The following CAMK2D variants were observed in gnomAD, a reference collection of about 807,000 sequenced individuals.
CAMK2D encodes calcium/calmodulin-dependent protein kinase type II subunit delta.
Under a neutral mutation model 84.0 loss-of-function variants are expected in CAMK2D, and 37 were observed. The ratio of observed to expected loss-of-function variants is 0.44; its 90% confidence interval spans 0.34 to 0.58. The LOEUF (loss-of-function observed/expected upper bound fraction) is 0.58, where lower values mean the gene tolerates loss of function less well. CAMK2D is among the 20% of genes least tolerant of loss of function. The probability of loss-of-function intolerance (pLI) is 0.02; values close to 1 mark genes in which losing one functional copy is unlikely to be tolerated. For synonymous variants in CAMK2D, 202 were observed against 212.5 expected, an observed-to-expected ratio of 0.95 and a Z score of 0.43; for missense variants, 448 against 652.5, an observed-to-expected ratio of 0.69 and a Z score of 3.41.
chr4:113,515,321 G>T, intron 9 of CAMK2D, 130 bp from the exon 10 acceptor site: 1 of 582,804 alleles, frequency 1.7e-6, no homozygotes, highest in Non-Finnish European at 2.9e-6. Context: ...TATAAGTTAA[G>T]TTGTATCTAA....
intron 2 of CAMK2D, among the ~76,000 whole-genome samples, chr4:113,718,598 G>C (rs77551138): frequency 6.6e-6 from 1 of 152,140 alleles, no homozygotes; most frequent in African/African-American, 2.4e-5. Flanking sequence ...TGGCTAGTTC[G>C]TTTGTTAGTC....
chr4:113,696,016 A>G (rs1210043564), intron 2 of CAMK2D, among the ~76,000 whole-genome samples: 1 of 152,084 alleles, frequency 6.6e-6, no homozygotes, highest in Non-Finnish European at 1.5e-5. Context: ...CTACTAACTC[A>G]GGACCTTTGC....
chr4:113,470,875 A>G (rs1294775999), intron 16 of CAMK2D, among the ~76,000 whole-genome samples: 4 of 152,216 alleles, frequency 2.6e-5, no homozygotes, highest in Non-Finnish European at 5.9e-5. Flanking sequence ...GAAATGTTTA[A>G]TAAGTATTTG....
intron 2 of CAMK2D, among the ~76,000 whole-genome samples, chr4:113,698,031 T>C (rs1333040894): frequency 6.6e-6 from 1 of 152,112 alleles, no homozygotes; most frequent in African/African-American, 2.4e-5. Flanking sequence ...CGAGAATGCA[T>C]TTAATACATC....
Position 113,465,536 on chromosome 4 carries a change from C to G in CAMK2D, c.1204G>C (p.Ala402Pro), listed in dbSNP as rs771719573. 2 of 1,607,356 alleles carry G rather than the reference C, an allele frequency of 1.2e-6. No homozygotes were observed. The highest frequency in any genetic ancestry group is 2.2e-5 in the South Asian group (2 of 90,712). ...TAAACGTCCGCTACTCACGTGTAGG[C>G]TTCAAAGTCCCCATTGTTGATAGCT... ...IEAINNGDFE[A>P]YTKICDPGLT... Residue 402 changes from alanine to proline, a missense_variant, in exon 17 of 21, where the codon GCC (alanine) becomes CCC (proline). By Grantham distance (27) the Ala-to-Pro change is conservative (BLOSUM62 -1). Coordinates refer to ENST00000511664, the MANE Select transcript of CAMK2D (RefSeq NM_001321571.2).
At chr4:113,463,908 G>T (rs565836806) in intron 17 of CAMK2D, among the ~76,000 whole-genome samples, 2 of 151,964 alleles carry the variant, frequency 1.3e-5, no homozygotes, top group African/African-American at 4.8e-5. Flanking sequence ...ACAAATTTTT[G>T]TTCATGTTTT....
chr4:113,601,688 T>TC (rs1188167220), intron 4 of CAMK2D, among the ~76,000 whole-genome samples: 2 of 120,990 alleles, frequency 1.7e-5, no homozygotes, highest in African/African-American at 5.7e-5. Flanking sequence ...TTATTCTTTT[T>TC]TTTTTTTTTT....
rs1441219839 is a variant in CAMK2D at position 113,734,406 on chromosome 4, T to G, written c.160+24914A>C. Among the ~76,000 whole-genome samples the G allele has an allele frequency of 2.0e-5, 3 of 152,288 alleles. No homozygotes were observed. In the East Asian group the frequency reaches 5.8e-4, roughly 29 times the overall value. On this transcript the variant is annotated intron_variant, in intron 2 of 20. Coordinates refer to ENST00000511664, the MANE Select transcript of CAMK2D (RefSeq NM_001321571.2). ...ACTTCTTGAATCACAATTTACAAAT[T>G]TGCAAAATAATATTCTACTACATTC...
intron 2 of CAMK2D, among the ~76,000 whole-genome samples, chr4:113,676,833 A>C (rs1005330774): frequency 3.7e-4 from 56 of 152,308 alleles, no homozygotes; most frequent in African/African-American, 1.3e-3. Flanking sequence ...ACAACTTACT[A>C]TTCTTTGTCC....
intron 2 of CAMK2D, among the ~76,000 whole-genome samples, chr4:113,735,395 A>G (rs571082756): frequency 6.7e-6 from 1 of 148,504 alleles, no homozygotes. Flanking sequence ...GGATCGCTTG[A>G]GCCCGCGAGG....
chr4:113,752,235 AT>A (rs1440079723), intron 2 of CAMK2D, among the ~76,000 whole-genome samples: 1 of 151,072 alleles, frequency 6.6e-6, no homozygotes, highest in African/African-American at 2.4e-5. Context: ...TATATATGAT[AT>A]AATTATATAT....
At chr4:113,692,854 T>C (rs1018867040) in intron 2 of CAMK2D, among the ~76,000 whole-genome samples, 17 of 152,160 alleles carry the variant, frequency 1.1e-4, no homozygotes, top group African/African-American at 4.1e-4. Context: ...ACATTTTACA[T>C]TATTCTTAGA....
At chr4:113,535,081 T>C (rs975053569) in intron 7 of CAMK2D, among the ~76,000 whole-genome samples, 1 of 152,198 alleles carries the variant, frequency 6.6e-6, no homozygotes, top group Non-Finnish European at 1.5e-5. Flanking sequence ...GCCTCAGACC[T>C]GATAACAAAG....
At chr4:113,535,674 T>C (rs2098484919) in intron 7 of CAMK2D, among the ~76,000 whole-genome samples, 1 of 152,218 alleles carries the variant, frequency 6.6e-6, no homozygotes, top group African/African-American at 2.4e-5. Context: ...TCTGAGCCTT[T>C]CCATGTGCAG....
chr4:113,705,302 G>T (rs932896417), intron 2 of CAMK2D, among the ~76,000 whole-genome samples: 3 of 150,180 alleles, frequency 2.0e-5, no homozygotes, highest in Non-Finnish European at 4.4e-5. Context: ...ACTTCAGCCT[G>T]GGGGACAAAG....
intron 6 of CAMK2D, among the ~76,000 whole-genome samples, chr4:113,545,062 G>A (rs921889577): frequency 1.3e-5 from 2 of 152,136 alleles, no homozygotes; most frequent in South Asian, 4.1e-4. Context: ...TCTTCTTTAT[G>A]TTATTCAAAT....
At chr4:113,724,570 C>A (rs1040452712) in intron 2 of CAMK2D, among the ~76,000 whole-genome samples, 151 of 149,520 alleles carry the variant, frequency 1.0e-3, no homozygotes, top group African/African-American at 3.6e-3. Context: ...AAGTAGAAAA[C>A]AAAAAAAAAG....
chr4:113,713,810 A>G (rs375800928), intron 2 of CAMK2D, among the ~76,000 whole-genome samples: 2 of 150,628 alleles, frequency 1.3e-5, no homozygotes, highest in African/African-American at 4.9e-5. Flanking sequence ...CACATGTGAT[A>G]TTTTTTTTCT....
At chr4:113,492,892 T>G (rs1425730867) in intron 16 of CAMK2D, among the ~76,000 whole-genome samples, 1 of 121,568 alleles carries the variant, frequency 8.2e-6, no homozygotes, top group African/African-American at 3.5e-5. Flanking sequence ...TTTACCATTA[T>G]GTAATGGCCT....
Sources: allele counts gnomAD v4.1 joint callset (sites outside exome capture counted in the v4.1 genomes callset), GRCh38; gene constraint gnomAD v4.1.1; transcripts MANE v1.5; gene names NCBI Gene and HGNC (gene_info 2026-07-23, HGNC 2026-07-21).